The following LANCL2 variants were observed in gnomAD, a reference collection of about 807,000 sequenced individuals.
The protein encoded by LANCL2 is LanC like glutathione S-transferase 2.
A neutral mutation model predicts 56.9 loss-of-function variants in LANCL2; 33 were observed. The ratio of observed to expected loss-of-function variants is 0.58; its 90% CI spans 0.44 to 0.78. The LOEUF (loss-of-function observed/expected upper bound fraction) is 0.78, where lower values mean the gene tolerates loss of function less well. Ranked by LOEUF, LANCL2 falls within the 30% of genes least tolerant of loss-of-function variation. The pLI is 0.00. For missense variants in LANCL2, 562 were observed against 580.2 expected, an observed-to-expected ratio of 0.97 and a Z score of 0.32; for synonymous variants, 233 against 228.2, an observed-to-expected ratio of 1.02 and a Z score of -0.19.
chr7:55,386,366 A>C (rs1013843461), intron 1 of LANCL2, among the ~76,000 whole-genome samples: 1 of 152,254 alleles, frequency 6.6e-6, no homozygotes, highest in African/African-American at 2.4e-5. Flanking sequence ...AATGTCCATT[A>C]AATCTTCACA....
chr7:55,419,693 C>T (rs1583764638), intron 6 of LANCL2, among the ~76,000 whole-genome samples: 1 of 152,248 alleles, frequency 6.6e-6, no homozygotes, highest in East Asian at 1.9e-4. Flanking sequence ...TGAGCCACCA[C>T]TCTGGCCTCT....
intron 5 of LANCL2, among the ~76,000 whole-genome samples, chr7:55,401,888 C>T (rs1264218477): frequency 7.9e-6 from 1 of 126,946 alleles, no homozygotes; most frequent in African/African-American, 3.1e-5. Context: ...GATCCCAAGG[C>T]AGAAGAATTT....
Position 55,411,889 on chromosome 7 carries a change from A to G in LANCL2, c.826-18A>G, listed in dbSNP as rs1205676025. The G allele has an allele frequency of 1.3e-6, 2 of 1,595,126 alleles. No homozygotes were observed. Among genetic ancestry groups the G allele is most frequent in the Non-Finnish European group, 1.7e-6 (2 of 1,166,820 alleles). ...CTTCAGAGAAAATAATTTGTGTTTC[A>G]TTTTTGTTTGTTTAAAGCCGGCAGC... On this transcript the variant is annotated intron_variant, in intron 5 of 8. Coordinates refer to ENST00000254770, the MANE Select transcript of LANCL2 (RefSeq NM_018697.4).
Position 55,399,657 on chromosome 7 carries a change from T to C in LANCL2, c.531-300T>C, listed in dbSNP as rs910743895. Among the ~76,000 whole-genome samples the C allele has an allele frequency of 1.3e-5, 2 of 152,226 alleles. 1 individual carries two copies. The highest frequency in any genetic ancestry group is 4.1e-4 in the South Asian group (2 of 4,832). Reference sequence around the variant, plus strand: ...CGTGCCCGGCCTGCAGTACCATTTTTATTTAAATTTTAAATCACTTTCTTT... The same window carrying C: ...CGTGCCCGGCCTGCAGTACCATTTTCATTTAAATTTTAAATCACTTTCTTT... On this transcript the variant is annotated intron_variant, in intron 3 of 8. Transcript: ENST00000254770.
intron 2 of LANCL2, chr7:55,396,890 G>C (rs1790259939): frequency 6.6e-6 from 1 of 152,114 alleles, no homozygotes. Context: ...TTTGAAATTT[G>C]TAAGTATTTA....
At chr7:55,416,986 T>G (rs1790548836) in intron 6 of LANCL2, among the ~76,000 whole-genome samples, 2 of 141,108 alleles carry the variant, frequency 1.4e-5, no homozygotes, top group Non-Finnish European at 3.1e-5. Context: ...TTTTTTTTTT[T>G]TTTTTTTTTT....
chr7:55,366,148 C>G lies in LANCL2; in HGVS notation c.123C>G (p.Ser41=). Residue 41 remains serine, a synonymous_variant, in exon 1 of 9, where the codon TCC becomes TCG. Transcript: ENST00000254770. ...YEAAAGALLA[S]GAAEETGCVR... The stretch of plus-strand genomic sequence containing the variant: ...CCGCCGCCGGGGCGCTGCTCGCCTC[C>G]GGAGCGGCCGAAGAGACAGGCTGTG... The G allele has an allele frequency of 6.4e-7, 1 of 1,551,230 alleles. No homozygotes were observed. The highest frequency in any genetic ancestry group is 8.7e-7 in the Non-Finnish European group (1 of 1,146,386).
At chr7:55,386,729 C>A (rs1302575139) in intron 1 of LANCL2, among the ~76,000 whole-genome samples, 2 of 152,194 alleles carry the variant, frequency 1.3e-5, no homozygotes, top group Non-Finnish European at 2.9e-5. Context: ...AGTGACAGAT[C>A]TTTGGCATGT....
At chr7:55,403,569 GTTTT>G (rs34481346) in intron 5 of LANCL2, among the ~76,000 whole-genome samples, 116 of 99,506 alleles carry the variant, frequency 1.2e-3, no homozygotes, top group African/African-American at 4.3e-3. Flanking sequence ...TTTGTTTGTT[GTTTT>G]TTTTTTTTTT....
intron 5 of LANCL2, among the ~76,000 whole-genome samples, chr7:55,406,880 A>T (rs1003098031): frequency 2.0e-5 from 3 of 152,200 alleles, no homozygotes; most frequent in Admixed American, 2.0e-4. Flanking sequence ...TGTGAACTGA[A>T]GCAGGCAAAA....
chr7:55,395,633 TAA>T lies in LANCL2; in HGVS notation c.323-2788_323-2787del, dbSNP rs1397250504. 2.0e-5 allele frequency among the ~76,000 whole-genome samples: 3 copies of T among 152,230 alleles called. No individual in the cohort carries two copies. In the East Asian group the frequency reaches 5.8e-4, roughly 29 times the overall value. ...GAAAAAAATCAAAGAGAAAGAAAGA[TAA>T]AGAGAGACTTCAGTTTTCCAGTCTA... is the stretch of plus-strand genomic sequence containing the variant. On this transcript the variant is annotated intron_variant, in intron 2 of 8. Coordinates refer to ENST00000254770, the MANE Select transcript of LANCL2 (RefSeq NM_018697.4).
intron 8 of LANCL2, among the ~76,000 whole-genome samples, chr7:55,430,493 G>T (rs1790715814): frequency 6.6e-6 from 1 of 152,168 alleles, no homozygotes; most frequent in Non-Finnish European, 1.5e-5. Context: ...ACTGGAGAGG[G>T]GCACTTGGAA....
chr7:55,397,927 C>T (rs992629221), intron 2 of LANCL2, among the ~76,000 whole-genome samples: 1 of 150,948 alleles, frequency 6.6e-6, no homozygotes, highest in Non-Finnish European at 1.5e-5. Flanking sequence ...TAGGGTTGTT[C>T]ACTAAAGAAC....
chr7:55,429,493 A>G (rs1790704325), intron 8 of LANCL2, among the ~76,000 whole-genome samples: 1 of 152,230 alleles, frequency 6.6e-6, no homozygotes, highest in South Asian at 2.1e-4. Context: ...CTCTGTCTGC[A>G]TCGTCTGTAG....
At chr7:55,376,925 C>G (rs775155119) in intron 1 of LANCL2, among the ~76,000 whole-genome samples, 1 of 152,076 alleles carries the variant, frequency 6.6e-6, no homozygotes, top group Non-Finnish European at 1.5e-5. Flanking sequence ...CATTTTATTT[C>G]TTTCTTCCTC....
rs10245271 is a variant in LANCL2 at position 55,428,273 on chromosome 7, G to C, written c.1186-102G>C. 4,770 of 1,006,294 alleles carry C rather than the reference G, an allele frequency of 4.7e-3. 131 individuals carry two copies. In the African/African-American group the frequency reaches 0.061, roughly 13 times the overall value. 62.3% of individuals were successfully genotyped at this position (1,006,294 alleles called of 1,614,324 possible). On this transcript the variant is annotated intron_variant, in intron 7 of 8. Coordinates refer to ENST00000254770, the MANE Select transcript of LANCL2 (RefSeq NM_018697.4). Reference sequence around the variant, plus strand: ...GCCCACGCTGAATGCCCTACAGCTGGGGGTCCACTTCCCTGATGCCTGTGA... The same window carrying C: ...GCCCACGCTGAATGCCCTACAGCTGCGGGTCCACTTCCCTGATGCCTGTGA...
chr7:55,429,992 A>C (rs758673197), intron 8 of LANCL2, among the ~76,000 whole-genome samples: 2 of 152,212 alleles, frequency 1.3e-5, no homozygotes, highest in Non-Finnish European at 2.9e-5. Flanking sequence ...GCTCACTGGC[A>C]CCTGGCACCC....
chr7:55,387,345 T>A (rs1790136431), intron 1 of LANCL2, among the ~76,000 whole-genome samples: 1 of 152,158 alleles, frequency 6.6e-6, no homozygotes, highest in African/African-American at 2.4e-5. Flanking sequence ...ATGTTGACCT[T>A]CAAAAAGAAA....
chr7:55,396,910 G>C (rs978946864), intron 2 of LANCL2: 11 of 152,074 alleles, frequency 7.2e-5, no homozygotes, highest in African/African-American at 1.9e-4. Context: ...AACTTTTACT[G>C]TCTGTTTCCT....
Sources: gnomAD v4.1 joint callset for allele counts (sites outside exome capture counted in the v4.1 genomes callset) on GRCh38, gnomAD v4.1.1 for gene constraint, MANE v1.5 for transcripts, NCBI Gene and HGNC (gene_info 2026-07-23, HGNC 2026-07-21) for gene names.